TEX11: variants seen among roughly 807,000 people sequenced by gnomAD.
TEX11 encodes the protein testis expressed 11, also known as testis-expressed protein 11.
TEX11 carries 7 observed loss-of-function variants against 84.4 expected under a neutral mutation model. The ratio of observed to expected loss-of-function variants is 0.08; its 90% CI spans 0.05 to 0.16. The LOEUF is 0.16. Among genes scored for constraint, TEX11 ranks in the 10% least tolerant of loss-of-function variants. The pLI is 1.00. For missense variants in TEX11, 551 were observed against 660.5 expected, an observed-to-expected ratio of 0.83 and a Z score of 1.82; for synonymous variants, 264 against 222.8, an observed-to-expected ratio of 1.18 and a Z score of -1.64.
intron 3 of TEX11, among the ~76,000 whole-genome samples, chrX:70,877,304 C>A (rs891271743): frequency 2.2e-4 from 23 of 106,139 alleles, no homozygotes; most frequent in South Asian, 1.2e-3. Context: ...AAAAAAAAAA[C>A]AAAAACAAAA....
chrX:70,848,996 G>A (rs2091493622), intron 7 of TEX11, among the ~76,000 whole-genome samples: 1 of 112,087 alleles, frequency 8.9e-6, no homozygotes, highest in Non-Finnish European at 1.9e-5. Flanking sequence ...GAAACACCAA[G>A]ATCTATAGTT....
At chrX:70,579,530 A>AAAAAAAC (rs2088739759) in intron 25 of TEX11, among the ~76,000 whole-genome samples, 1 of 103,138 alleles carries the variant, frequency 9.7e-6, no homozygotes, top group Non-Finnish European at 2.0e-5. Context: ...AAAAAAAAAA[A>AAAAAAAC]AAAACAAAAA....
intron 13 of TEX11, among the ~76,000 whole-genome samples, chrX:70,696,469 G>C (rs1276951859): frequency 8.9e-6 from 1 of 111,790 alleles, no homozygotes; most frequent in Non-Finnish European, 1.9e-5. Context: ...CACAAACTTA[G>C]TGATTTAAAA....
intron 20 of TEX11, among the ~76,000 whole-genome samples, chrX:70,620,324 T>C (rs2089369272): frequency 1.8e-5 from 2 of 111,495 alleles, no homozygotes; most frequent in African/African-American, 6.5e-5. Flanking sequence ...CCAAAGAAGA[T>C]ATACGATGAC....
chrX:70,738,974 G>C (rs1197842267), intron 11 of TEX11, among the ~76,000 whole-genome samples: 1 of 110,703 alleles, frequency 9.0e-6, no homozygotes, highest in African/African-American at 3.3e-5. Context: ...CGGGGAGGGA[G>C]AGGATTAGGA....
intron 13 of TEX11, among the ~76,000 whole-genome samples, chrX:70,694,226 G>T (rs895778285): frequency 1.8e-5 from 2 of 110,700 alleles, no homozygotes; most frequent in African/African-American, 6.6e-5. Context: ...TGTATTTTTA[G>T]TACAGACGAG....
chrX:70,808,486 G>A (rs1044354138), intron 8 of TEX11, among the ~76,000 whole-genome samples: 1 of 108,784 alleles, frequency 9.2e-6, no homozygotes, highest in African/African-American at 3.3e-5. Flanking sequence ...CTGGGCAACA[G>A]AGAGAGATTC....
chrX:70,787,361 T>C (rs2091086100), intron 9 of TEX11, among the ~76,000 whole-genome samples: 1 of 107,452 alleles, frequency 9.3e-6, no homozygotes, highest in Non-Finnish European at 1.9e-5. Flanking sequence ...AGATGGAGTC[T>C]AGCTTTGTCA....
intron 13 of TEX11, among the ~76,000 whole-genome samples, chrX:70,701,165 T>C (rs1185503349): frequency 3.6e-5 from 4 of 112,404 alleles, no homozygotes; most frequent in Non-Finnish European, 7.5e-5. Context: ...TAATAAATTT[T>C]CAACATAGAT....
At chrX:70,567,526 T>C (rs1156544196) in intron 25 of TEX11, among the ~76,000 whole-genome samples, 1 of 111,603 alleles carries the variant, frequency 9.0e-6, no homozygotes, top group Admixed American at 9.6e-5. Flanking sequence ...TTTCCTGCTT[T>C]CTCTTGTGGG....
At position 70,652,701 on chromosome X, in the gene TEX11, T is replaced by A. The variant is rs191809787; in HGVS notation, c.1381-1149A>T. On this transcript the variant is annotated intron_variant, in intron 16 of 29. Transcript: ENST00000374333. Reference sequence around the variant, plus strand: ...GGGGATCTGAAACAAAGAAGCTTTTTGAAATGAAAAACCCAATTACCCAAA... The same window carrying A: ...GGGGATCTGAAACAAAGAAGCTTTTAGAAATGAAAAACCCAATTACCCAAA... 4.5e-5 allele frequency among the ~76,000 whole-genome samples: 5 copies of A among 111,831 alleles called. No individual in the cohort carries two copies. The East Asian group carries it at 1.4e-3, about 31-fold the overall frequency.
At chrX:70,781,646 T>C (rs1290941556) in intron 9 of TEX11, among the ~76,000 whole-genome samples, 7 of 111,610 alleles carry the variant, frequency 6.3e-5, no homozygotes, top group South Asian at 7.5e-4. Context: ...CTGAAAACCA[T>C]AGCACGAAAA....
intron 16 of TEX11, among the ~76,000 whole-genome samples, chrX:70,660,378 G>A (rs764421628): frequency 8.9e-6 from 1 of 112,349 alleles, no homozygotes; most frequent in African/African-American, 3.2e-5. Context: ...TAAGTATTTT[G>A]TAATAACACC....
At chrX:70,578,516 A>C (rs780720668) in intron 25 of TEX11, among the ~76,000 whole-genome samples, 1 of 111,937 alleles carries the variant, frequency 8.9e-6, no homozygotes, top group African/African-American at 3.2e-5. Context: ...TTTACTCTTA[A>C]CTTATAGCTG....
At chrX:70,564,183 C>T (rs748586130) in intron 25 of TEX11, among the ~76,000 whole-genome samples, 8 of 111,796 alleles carry the variant, frequency 7.2e-5, no homozygotes, top group Admixed American at 9.5e-5. Context: ...AAGCTGAGAT[C>T]GTGCCACTGC....
At chrX:70,715,942 A>G (rs1348209583) in intron 13 of TEX11, among the ~76,000 whole-genome samples, 2 of 112,313 alleles carry the variant, frequency 1.8e-5, no homozygotes, top group Non-Finnish European at 3.8e-5. Flanking sequence ...TTGGTCTTTG[A>G]TGATGGTGAC....
At chrX:70,904,468 A>G (rs2091819238) in intron 2 of TEX11, among the ~76,000 whole-genome samples, 1 of 112,542 alleles carries the variant, frequency 8.9e-6, no homozygotes, top group East Asian at 2.8e-4. Context: ...ATTCCAAAGT[A>G]AAATGGTAAA....
intron 11 of TEX11, among the ~76,000 whole-genome samples, chrX:70,731,206 G>C (rs181498443): frequency 3.6e-5 from 4 of 111,703 alleles, no homozygotes; most frequent in African/African-American, 1.3e-4. Context: ...AAGCAGGAAA[G>C]ATCCAAAATT....
At chrX:70,563,703 C>T (rs940683249) in intron 25 of TEX11, among the ~76,000 whole-genome samples, 1 of 112,115 alleles carries the variant, frequency 8.9e-6, no homozygotes, top group Non-Finnish European at 1.9e-5. Context: ...ACTTTCTATT[C>T]CTAGTTCGTT....
Sources: allele counts gnomAD v4.1 joint callset (sites outside exome capture counted in the v4.1 genomes callset), GRCh38; gene constraint gnomAD v4.1.1; transcripts MANE v1.5; gene names NCBI Gene and HGNC (gene_info 2026-07-23, HGNC 2026-07-21).